The following CTNNA3 variants were observed in gnomAD, a reference collection of about 807,000 sequenced individuals.
CTNNA3 encodes the protein catenin alpha 3, also known as catenin alpha-3.
A neutral mutation model predicts 95.7 loss-of-function variants in CTNNA3; 76 were observed. The observed-to-expected ratio is 0.79, with a 90% CI of 0.66 to 0.96. The LOEUF (loss-of-function observed/expected upper bound fraction) is 0.96, where lower values mean the gene tolerates loss of function less well. CTNNA3 is among the 40% of genes least tolerant of loss of function. CTNNA3 has a pLI of 0.00. For synonymous variants in CTNNA3, 431 were observed against 374.4 expected (o/e 1.15, Z -1.74); for missense variants, 1,191 against 1,089.8 (o/e 1.09, Z -1.31).
At chr10:66,713,127 C>G (rs1363671200) in intron 9 of CTNNA3, among the ~76,000 whole-genome samples, 4 of 152,164 alleles carry the variant, frequency 2.6e-5, no homozygotes, top group South Asian at 4.1e-4. Flanking sequence ...AACCACAAAG[C>G]TAGCAGGCTG....
At chr10:66,288,433 T>C (rs989429062) in intron 12 of CTNNA3, among the ~76,000 whole-genome samples, 13 of 152,010 alleles carry the variant, frequency 8.6e-5, no homozygotes, top group African/African-American at 2.4e-4. Flanking sequence ...CAAATAGCAA[T>C]AAATTAATGA....
intron 12 of CTNNA3, among the ~76,000 whole-genome samples, chr10:66,290,070 T>C (rs865839173): frequency 2.0e-5 from 3 of 151,952 alleles, no homozygotes; most frequent in Non-Finnish European, 4.4e-5. Flanking sequence ...ACTGGATGGC[T>C]AGGTGGGTGG....
At chr10:66,147,635 T>A in intron 13 of CTNNA3, among the ~76,000 whole-genome samples, 1 of 148,462 alleles carries the variant, frequency 6.7e-6, no homozygotes, top group Non-Finnish European at 1.5e-5. Context: ...TTTTTTGTCG[T>A]TGTTGCGCCA....
At chr10:66,175,633 A>G (rs2085667476) in intron 13 of CTNNA3, among the ~76,000 whole-genome samples, 1 of 152,148 alleles carries the variant, frequency 6.6e-6, no homozygotes, top group South Asian at 2.1e-4. Context: ...GGTATTGTCA[A>G]TGGACAAGAT....
At chr10:65,948,697 T>C (rs2077563453) in intron 17 of CTNNA3, among the ~76,000 whole-genome samples, 1 of 152,328 alleles carries the variant, frequency 6.6e-6, no homozygotes, top group South Asian at 2.1e-4. Flanking sequence ...TATTTGAACA[T>C]TTCTGTCTTT....
rs555626992 is a variant in CTNNA3 at position 66,069,982 on chromosome 10, A to C, written c.1978-493T>G. On this transcript the variant is annotated intron_variant, in intron 14 of 17. Transcript: ENST00000433211. ...ATAAAGAAAAAACAATGATGCTTTT[A>C]GTTTGAATTTTCTGTAAATATCTCA... 2.0e-5 allele frequency among the ~76,000 whole-genome samples: 3 copies of C among 151,508 alleles called. No homozygotes were observed. The South Asian group carries it at 6.2e-4, about 31-fold the overall frequency.
intron 7 of CTNNA3, among the ~76,000 whole-genome samples, chr10:66,848,862 T>TA (rs1843374776): frequency 6.6e-6 from 1 of 152,172 alleles, no homozygotes; most frequent in Admixed American, 6.6e-5. Flanking sequence ...ACAGTGCTGT[T>TA]AGAGTTCCAC....
At chr10:66,526,851 A>G (rs1169010205) in intron 10 of CTNNA3, among the ~76,000 whole-genome samples, 1 of 152,098 alleles carries the variant, frequency 6.6e-6, no homozygotes, top group Non-Finnish European at 1.5e-5. Flanking sequence ...ATCTCTGATC[A>G]TATATATGAT....
At chr10:67,316,883 C>T (rs1168704719) in intron 5 of CTNNA3, among the ~76,000 whole-genome samples, 1 of 152,158 alleles carries the variant, frequency 6.6e-6, no homozygotes, top group Non-Finnish European at 1.5e-5. Context: ...CTTAACCTTT[C>T]AAAATTTATT....
chr10:66,445,520 C>A (rs1463563794), intron 11 of CTNNA3, among the ~76,000 whole-genome samples: 1 of 152,116 alleles, frequency 6.6e-6, no homozygotes, highest in Non-Finnish European at 1.5e-5. Flanking sequence ...TTAAGAAACT[C>A]ACTCAAAACT....
chr10:66,478,915 A>G (rs1179621995), intron 11 of CTNNA3, among the ~76,000 whole-genome samples: 1 of 151,900 alleles, frequency 6.6e-6, no homozygotes, highest in Admixed American at 6.6e-5. Flanking sequence ...ATTTTAAGGT[A>G]GATGAATTTA....
chr10:66,848,345 T>G (rs1589328299), intron 7 of CTNNA3, among the ~76,000 whole-genome samples: 1 of 152,318 alleles, frequency 6.6e-6, no homozygotes, highest in East Asian at 1.9e-4. Context: ...AGGAATGATC[T>G]AGTCAGGCTC....
intron 7 of CTNNA3, among the ~76,000 whole-genome samples, chr10:66,884,733 T>A (rs971322906): frequency 6.6e-6 from 1 of 152,126 alleles, no homozygotes; most frequent in African/African-American, 2.4e-5. Flanking sequence ...TGCAATCTGT[T>A]ACATTGCAAT....
chr10:67,250,612 G>A (rs1490036238), intron 5 of CTNNA3, among the ~76,000 whole-genome samples: 1 of 152,152 alleles, frequency 6.6e-6, no homozygotes, highest in East Asian at 1.9e-4. Context: ...CATCCCTCAT[G>A]TATACAGAGG....
chr10:67,106,038 T>C (rs10997510), intron 7 of CTNNA3, among the ~76,000 whole-genome samples: 6,269 of 152,308 alleles, frequency 0.041, 157 homozygotes, highest in East Asian at 0.13. Flanking sequence ...CACGCAGCTA[T>C]TTAATAATGA....
At chr10:67,618,624 A>G (rs752154703) in intron 2 of CTNNA3, among the ~76,000 whole-genome samples, 81 of 152,330 alleles carry the variant, frequency 5.3e-4, no homozygotes, top group Non-Finnish European at 9.6e-4. Flanking sequence ...GAAAATATAC[A>G]TAGCTACTTG....
chr10:66,063,727 C>T (rs545791815), intron 15 of CTNNA3, among the ~76,000 whole-genome samples: 1 of 152,002 alleles, frequency 6.6e-6, no homozygotes, highest in South Asian at 2.1e-4. Context: ...CATTTTCTAA[C>T]TTATCTTCTC....
chr10:67,419,552 T>C (rs1401914941), intron 5 of CTNNA3, among the ~76,000 whole-genome samples: 1 of 152,122 alleles, frequency 6.6e-6, no homozygotes, highest in Non-Finnish European at 1.5e-5. Flanking sequence ...ATTGTTTTTT[T>C]CCAATTTTCT....
intron 15 of CTNNA3, among the ~76,000 whole-genome samples, chr10:66,049,428 T>G (rs896700429): frequency 6.6e-6 from 1 of 152,178 alleles, no homozygotes; most frequent in African/African-American, 2.4e-5. Flanking sequence ...TCAGCAATCC[T>G]ATTACTGGGT....
Sources: gnomAD v4.1 joint callset for allele counts (sites outside exome capture counted in the v4.1 genomes callset) on GRCh38, gnomAD v4.1.1 for gene constraint, MANE v1.5 for transcripts, NCBI Gene and HGNC (gene_info 2026-07-23, HGNC 2026-07-21) for gene names.